Variants in FASN observed in about 807,000 individuals in gnomAD.
FASN encodes fatty acid synthase.
A neutral mutation model predicts 250.0 loss-of-function variants in FASN; 50 were observed. The observed-to-expected ratio is 0.20, with a 90% CI of 0.16 to 0.25. FASN has a LOEUF of 0.25. FASN is among the 10% of genes least tolerant of loss of function. The pLI, the probability that FASN is intolerant of heterozygous loss-of-function variation, is 1.00. For synonymous variants in FASN, 1,909 were observed against 1,584.0 expected (o/e 1.21, Z -4.87); for missense variants, 3,031 against 3,498.5 (o/e 0.87, Z 3.37).
chr17:82,096,158 G>C (rs1467179924), intron 2 of FASN, among the ~76,000 whole-genome samples, 161 bp downstream of exon 2: 1 of 152,254 alleles, frequency 6.6e-6, no homozygotes, highest in Non-Finnish European at 1.5e-5. Context: ...GGAGGCTGCA[G>C]CTAGGCCTCG....
chr17:82,081,237 C>A lies in FASN; in HGVS notation c.6522G>T (p.Leu2174=). Reference sequence around the variant, plus strand: ...TGAGTTGCCGCACCTCGCGCACGGACAGCACCAGGTTGAGCTCACGCTCCA... The same window carrying A: ...TGAGTTGCCGCACCTCGCGCACGGAAAGCACCAGGTTGAGCTCACGCTCCA... ...QTLERELNLV[L]SVREVRQLTL... The change falls in exon 38 of 43, where the codon CTG becomes CTT. Residue 2174 remains leucine (L), a synonymous_variant. Coordinates refer to ENST00000306749, the MANE Select transcript of FASN (RefSeq NM_004104.5). The A allele has an allele frequency of 1.9e-6, 3 of 1,590,440 alleles. No homozygotes were observed. The highest frequency in any genetic ancestry group is 2.6e-6 in the Non-Finnish European group (3 of 1,169,334).
chr17:82,084,890 T>C lies in FASN; in HGVS notation c.4473A>G (p.Ala1491=). Residue 1491 remains alanine (A), a synonymous_variant, in exon 26 of 43, where the codon GCA becomes GCG. Transcript: ENST00000306749. ...SHVPEVDPGS[A]ELQKVLQGDL... ...CTCCCTGCAACACCTTCTGCAGTTCTGCGGAGCCCGGGTCCACCTCCGGGA... is the reference window on the plus strand; with the variant it reads ...CTCCCTGCAACACCTTCTGCAGTTCCGCGGAGCCCGGGTCCACCTCCGGGA... The C allele has an allele frequency of 1.9e-6, 3 of 1,550,966 alleles. No homozygotes were observed. The highest frequency in any genetic ancestry group is 2.6e-6 in the Non-Finnish European group (3 of 1,147,260).
Position 82,083,862 on chromosome 17 carries a change from C to A in FASN, c.5128G>T (p.Ala1710Ser), listed in dbSNP as rs2034037076. 1.9e-6 allele frequency: 3 copies of A among 1,583,642 alleles called. No individual in the cohort carries two copies. The highest frequency in any genetic ancestry group is 1.3e-5 in the African/African-American group (1 of 74,722). The change falls in exon 30 of 43, where the codon GCC becomes TCC. Residue 1710 changes from alanine (A) to serine (S), a missense_variant. Coordinates refer to ENST00000306749, the MANE Select transcript of FASN (RefSeq NM_004104.5). ...GSAEKRAYLQ[A>S]RFPQLDSTSF... ...GTGCTGTCGAGCTGGGGGAACCTGG[C>A]CTGGAGGTACGCCCGCTTCTCAGCC...
At chr17:82,096,704 G>T (rs1433885138) in intron 1 of FASN, 2 of 544,650 alleles carry the variant, frequency 3.7e-6, no homozygotes, top group South Asian at 2.0e-5. Context: ...TCAGGGTATT[G>T]GCTGGGGTAC....
Position 82,083,235 on chromosome 17 carries a change from G to C in FASN, c.5532C>G (p.Ala1844=). 6.2e-7 allele frequency: 1 copy of C among 1,612,726 alleles called. No homozygotes were observed. The highest frequency in any genetic ancestry group is 8.5e-7 in the Non-Finnish European group (1 of 1,179,998). ...AQVEDAFRYM[A]QGKHIGKVVV... ...CGACTTTGCCAATGTGCTTCCCTTG[G>C]GCCATGTAGCGGAAGGCGTCCTCCA... The change falls in exon 32 of 43, where the codon GCC becomes GCG. Residue 1844 remains alanine, a synonymous_variant. Coordinates refer to ENST00000306749, the MANE Select transcript of FASN (RefSeq NM_004104.5).
chr17:82,085,468 C>A lies in FASN; in HGVS notation c.4122+14G>T. ...ACCCGGCCCCCACCCTGTCCCCCTG[C>A]CCGGCGGCCGCACCTGGCTCAGGAT... On this transcript the variant is annotated intron_variant, in intron 23 of 42. Transcript: ENST00000306749. 6.3e-7 allele frequency: 1 copy of A among 1,589,770 alleles called. No individual in the cohort carries two copies. Among genetic ancestry groups the A allele is most frequent in the Non-Finnish European group, 8.6e-7 (1 of 1,169,088 alleles).
Position 82,092,495 on chromosome 17 carries a change from C to A in FASN, c.989G>T (p.Gly330Val). 6.3e-7 allele frequency: 1 copy of A among 1,597,130 alleles called. No individual in the cohort carries two copies. Among genetic ancestry groups the A allele is most frequent in the East Asian group, 2.3e-5 (1 of 44,254 alleles). Residue 330 changes from glycine to valine, a missense_variant, in exon 8 of 43, where the codon GGG becomes GTG. Physicochemically the swap from Gly to Val is moderately radical, Grantham distance 109. Transcript: ENST00000306749. ...CAGCCCCGAGGCTGGCTCCGGGTGC[C>A]CCATGTTGGACTTGGTGGAGCCGAT... Reference protein sequence around the residue: ...LLIGSTKSNMGHPEPASGLAA... With the variant: ...LLIGSTKSNMVHPEPASGLAA...
chr17:82,095,431 G>A lies in FASN; in HGVS notation c.169C>T (p.Leu57=), dbSNP rs141107614. Residue 57 remains leucine (L), a synonymous_variant, in exon 3 of 43, where the codon CTG becomes TTG. Coordinates refer to ENST00000306749, the MANE Select transcript of FASN (RefSeq NM_004104.5). ...AAGAAGGAGGCATCAAACCTAGACA[G>A]GTCCTTCAGCTTGCCGGACCGCCGG... ...LPRRSGKLKD[L]SRFDASFFGV... 7.1e-5 allele frequency: 114 copies of A among 1,612,860 alleles called. No individual in the cohort carries two copies. The highest frequency in any genetic ancestry group is 8.6e-5 in the Non-Finnish European group (101 of 1,180,026).
chr17:82,088,183 G>A lies in FASN; in HGVS notation c.2718C>T (p.Gly906=), dbSNP rs750320543. ...WKTLARALGL[G]VEQLPVVFED... ...CAAACACCACAGGCAGCTGCTCGAC[G>A]CCCAGGCCCAGGGCGCGGGCCAGCG... is the stretch of plus-strand genomic sequence containing the variant. The change falls in exon 17 of 43, where the codon GGC becomes GGT. Residue 906 remains glycine (G), a synonymous_variant. Coordinates refer to ENST00000306749, the MANE Select transcript of FASN (RefSeq NM_004104.5). 2.5e-5 allele frequency: 40 copies of A among 1,612,422 alleles called. No individual in the cohort carries two copies. The highest frequency in any genetic ancestry group is 3.1e-5 in the Non-Finnish European group (36 of 1,179,988).
rs777756867 is a variant in FASN, at chr17:82,083,280, C to A, written c.5487G>T (p.Thr1829=). 2 of 1,612,760 alleles carry A rather than the reference C, an allele frequency of 1.2e-6. No homozygotes were observed. The highest frequency in any genetic ancestry group is 2.2e-5 in the South Asian group (2 of 91,088). ...RDGVVRPLKC[T]VFHGAQVEDA... ...CCTCCACCTGGGCCCCATGGAACAC[C>A]GTGCACTTGAGGGGCCGTACCACCC... The change falls in exon 32 of 43, where the codon ACG becomes ACT. Residue 1829 remains threonine (T), a synonymous_variant. Coordinates refer to ENST00000306749, the MANE Select transcript of FASN (RefSeq NM_004104.5).
chr17:82,085,262 G>A lies in FASN; in HGVS notation c.4263C>T (p.Ser1421=), dbSNP rs760911223. Residue 1421 remains serine (S), a synonymous_variant, in exon 24 of 43, where the codon AGC becomes AGT. Coordinates refer to ENST00000306749, the MANE Select transcript of FASN (RefSeq NM_004104.5). The stretch of plus-strand genomic sequence containing the variant: ...CCTTCAGAGACTCCACCCAGCGGAA[G>A]CTGGTATCGTCCACCGGCAGGAAGA... ...SPIFLPVDDT[S]FRWVESLKGI... is the part of the protein sequence containing the mutation. 6.2e-7 allele frequency: 1 copy of A among 1,611,840 alleles called. No homozygotes were observed. The highest frequency in any genetic ancestry group is 1.1e-5 in the South Asian group (1 of 91,036).
intron 11 of FASN, 25 bp downstream of exon 11, chr17:82,090,350 C>T (rs759875093): frequency 6.2e-5 from 96 of 1,560,700 alleles, no homozygotes; most frequent in Non-Finnish European, 7.7e-5. Flanking sequence ...CTTGGAGGTG[C>T]TGGGGGCCCC....
rs1030380295 is a variant in FASN at position 82,081,225 on chromosome 17, C to T, written c.6534G>A (p.Glu2178=). The part of the protein sequence containing the change: ...RELNLVLSVR[E]VRQLTLRKLQ... ...GTTTCCGGAGCGTGAGTTGCCGCAC[C>T]TCGCGCACGGACAGCACCAGGTTGA... The change falls in exon 38 of 43, where the codon GAG becomes GAA. Residue 2178 remains glutamate (E), a synonymous_variant. Coordinates refer to ENST00000306749, the MANE Select transcript of FASN (RefSeq NM_004104.5). 39 of 1,591,900 alleles carry T rather than the reference C, an allele frequency of 2.4e-5. No individual in the cohort carries two copies. The highest frequency in any genetic ancestry group is 3.0e-5 in the Non-Finnish European group (35 of 1,170,222).
rs756969108 is a variant in FASN, at chr17:82,095,485, C to A, written c.128-13G>T. 15 of 1,611,116 alleles carry A rather than the reference C, an allele frequency of 9.3e-6. No individual in the cohort carries two copies. Among genetic ancestry groups the A allele is most frequent in the African/African-American group, 1.3e-5 (1 of 74,990 alleles). On this transcript the variant is annotated splice_polypyrimidine_tract_variant and intron_variant, in intron 2 of 42. Coordinates refer to ENST00000306749, the MANE Select transcript of FASN (RefSeq NM_004104.5). ...AGGCCGTAGAGCCCTGTGGGACAGG[C>A]GGGTGTTTAAATCTCTGACGGAAGC...
rs1315636982 is a variant in FASN, at chr17:82,087,386, G to A, written c.3162C>T (p.Ala1054=). The A allele has an allele frequency of 1.9e-6, 3 of 1,612,738 alleles. No homozygotes were observed. Among genetic ancestry groups the A allele is most frequent in the Non-Finnish European group, 2.5e-6 (3 of 1,179,992 alleles). ...TGTGGGTGGCAGGGTCGATGTGGAT[G>A]GCGGTGACACGGGTGGGCAGGTACA... is the stretch of plus-strand genomic sequence containing the variant. ...HGLYLPTRVT[A]IHIDPATHRQ... is the part of the protein sequence containing the mutation. Residue 1054 remains alanine, a synonymous_variant, in exon 20 of 43, where the codon GCC becomes GCT. Transcript: ENST00000306749.
At position 82,079,562 on chromosome 17, in the gene FASN, G is replaced by A; in HGVS notation, c.7193C>T (p.Ala2398Val). 6.2e-7 allele frequency: 1 copy of A among 1,606,044 alleles called. No homozygotes were observed. Among genetic ancestry groups the A allele is most frequent in the Non-Finnish European group, 8.5e-7 (1 of 1,179,908 alleles). Residue 2398 changes from alanine (A) to valine (V), a missense_variant, in exon 42 of 43, where the codon GCA (alanine) becomes GTA (valine). By Grantham distance (64) the Ala-to-Val change is moderately conservative. Transcript: ENST00000306749. Reference sequence around the variant, plus strand: ...CTTGATGATCAGGTCCACGGCGGCTGCCACACGCTCCTCTAGGCCCTTCAG... The same window carrying A: ...CTTGATGATCAGGTCCACGGCGGCTACCACACGCTCCTCTAGGCCCTTCAG... Reference protein sequence around the residue: ...LPLKGLEERVAAAVDLIIKSH... With the variant: ...LPLKGLEERVVAAVDLIIKSH...
Position 82,081,638 on chromosome 17 carries a change from G to A in FASN, c.6369C>T (p.Ser2123=). 1.2e-6 allele frequency: 2 copies of A among 1,612,656 alleles called. No individual in the cohort carries two copies. Among genetic ancestry groups the A allele is most frequent in the Non-Finnish European group, 1.7e-6 (2 of 1,179,994 alleles). Residue 2123 remains serine, a synonymous_variant, in exon 37 of 43, where the codon AGC becomes AGT. Transcript: ENST00000306749. Reference sequence around the variant, plus strand: ...CCACGGCCTCCACCAGGTCCCGCTGGCTGTCCCTGTCCCTATAGGCCGCAG... The same window carrying A: ...CCACGGCCTCCACCAGGTCCCGCTGACTGTCCCTGTCCCTATAGGCCGCAG... ...EKAAAYRDRD[S]QRDLVEAVAH... is the part of the protein sequence containing the mutation.
At position 82,081,200 on chromosome 17, in the gene FASN, G is replaced by C. The variant is rs894407461; in HGVS notation, c.6559C>G (p.Leu2187Val). 3 of 1,594,858 alleles carry C rather than the reference G, an allele frequency of 1.9e-6. No individual in the cohort carries two copies. The African/African-American group carries it at 4.0e-5, about 21-fold the overall frequency. ...TCCGCCTTTGAGGACAGCTCCTGCA[G>C]TTTCCGGAGCGTGAGTTGCCGCACC... ...REVRQLTLRK[L>V]QELSSKADEA... The change falls in exon 38 of 43, where the codon CTG (leucine) becomes GTG (valine). Residue 2187 changes from leucine (L) to valine (V), a missense_variant. Leu to Val is a conservative substitution (Grantham distance 32). Transcript: ENST00000306749.
intron 10 of FASN, 51 bp from the exon 11 acceptor site, chr17:82,090,615 T>C (rs1415938169): frequency 1.3e-6 from 2 of 1,536,354 alleles, no homozygotes; most frequent in South Asian, 1.1e-5. Flanking sequence ...GGTGCAGCTG[T>C]TGGGGGCGGC....
Sources: allele counts gnomAD v4.1 joint callset (sites outside exome capture counted in the v4.1 genomes callset), GRCh38; gene constraint gnomAD v4.1.1; transcripts MANE v1.5; gene names NCBI Gene and HGNC (gene_info 2026-07-23, HGNC 2026-07-21).